NFIA: variants seen among roughly 807,000 people sequenced by gnomAD.
NFIA encodes nuclear factor I A, also known as nuclear factor 1 A-type.
NFIA carries 8 observed loss-of-function variants against 62.8 expected under a neutral mutation model. That is an observed-to-expected ratio of 0.13 (90% CI 0.07 to 0.23). The LOEUF is 0.23. Ranked by LOEUF, NFIA falls within the 10% of genes least tolerant of loss-of-function variation. The pLI is 1.00. For missense variants in NFIA, 410 were observed against 642.1 expected (o/e 0.64, Z 3.91); for synonymous variants, 235 against 238.1 (o/e 0.99, Z 0.12).
chr1:61,107,221 T>A (rs954750543), intron 2 of NFIA, among the ~76,000 whole-genome samples: 8 of 145,206 alleles, frequency 5.5e-5, no homozygotes, highest in Non-Finnish European at 4.5e-5. Flanking sequence ...AATGTTAAGT[T>A]TTTTTTTTTA....
intron 2 of NFIA, among the ~76,000 whole-genome samples, chr1:61,260,741 C>T (rs112685229): frequency 0.074 from 11,284 of 152,088 alleles, 439 homozygotes; most frequent in South Asian, 0.14. Flanking sequence ...CCACCAGGCC[C>T]GGCTAATTTT....
chr1:61,199,170 G>A (rs1055430886), intron 2 of NFIA, among the ~76,000 whole-genome samples: 1 of 152,130 alleles, frequency 6.6e-6, no homozygotes, highest in African/African-American at 2.4e-5. Flanking sequence ...CTTCAATGCT[G>A]TCCTCTCTTT....
At chr1:61,240,289 T>C (rs957599694) in intron 2 of NFIA, among the ~76,000 whole-genome samples, 8 of 152,096 alleles carry the variant, frequency 5.3e-5, no homozygotes, top group Non-Finnish European at 1.2e-4. Context: ...TTGTAAGTTA[T>C]ATCACCATTG....
intron 2 of NFIA, among the ~76,000 whole-genome samples, chr1:61,153,399 CTG>C (rs1314395566): frequency 6.6e-6 from 1 of 152,216 alleles, no homozygotes; most frequent in African/African-American, 2.4e-5. Context: ...ATGCCTTTGA[CTG>C]TAACTGTAAT....
chr1:61,243,622 TA>T (rs1284841047), intron 2 of NFIA, among the ~76,000 whole-genome samples: 15 of 152,312 alleles, frequency 9.8e-5, no homozygotes, highest in Admixed American at 3.9e-4. Context: ...AGGCAAAAAT[TA>T]AATCATTTTA....
chr1:61,201,949 A>T (rs569022145), intron 2 of NFIA, among the ~76,000 whole-genome samples: 30 of 145,968 alleles, frequency 2.1e-4, no homozygotes, highest in African/African-American at 5.5e-4. Flanking sequence ...AGAAAATCTT[A>T]AAAAAAAAAC....
At chr1:61,216,424 C>T (rs1447997334) in intron 2 of NFIA, among the ~76,000 whole-genome samples, 3 of 152,076 alleles carry the variant, frequency 2.0e-5, no homozygotes, top group Non-Finnish European at 2.9e-5. Flanking sequence ...GCCTCTACTT[C>T]TTGCTCTGGG....
chr1:61,131,259 GTAAC>G (rs1647068504), intron 2 of NFIA, among the ~76,000 whole-genome samples: 1 of 151,320 alleles, frequency 6.6e-6, no homozygotes, highest in Non-Finnish European at 1.5e-5. Flanking sequence ...GGCTAGGAAA[GTAAC>G]TAAATGTGAT....
Position 61,456,800 on chromosome 1 carries a change from AAAAAACAAAAAAC to A in NFIA, c.*1493_*1505del, listed in dbSNP as rs1342759256. ...CCAAACGTCCTGTATCTTATGAAAAAAAAAACAAAAAACAAAAACAAAAAAAAAACACAAAAAA... is the reference window on the plus strand; with the variant it reads ...CCAAACGTCCTGTATCTTATGAAAAAAAAAACAAAAAAAAAACACAAAAAA... On this transcript the variant is annotated 3_prime_UTR_variant, in exon 11 of 11. Coordinates refer to ENST00000403491, the MANE Select transcript of NFIA (RefSeq NM_001134673.4). 22 of 142,292 alleles carry A rather than the reference AAAAAACAAAAAAC, an allele frequency of 1.5e-4. No individual in the cohort carries two copies. The highest frequency in any genetic ancestry group is 5.5e-4 in the African/African-American group (19 of 34,788). 8.8% of individuals were successfully genotyped at this position (142,292 alleles called of 1,614,324 possible).
At chr1:61,232,158 A>G (rs933006273) in intron 2 of NFIA, among the ~76,000 whole-genome samples, 1 of 152,178 alleles carries the variant, frequency 6.6e-6, no homozygotes, top group African/African-American at 2.4e-5. Context: ...TTTTTCTAAT[A>G]GTTTTTCCCT....
At chr1:61,146,563 G>A (rs1648004264) in intron 2 of NFIA, among the ~76,000 whole-genome samples, 1 of 152,106 alleles carries the variant, frequency 6.6e-6, no homozygotes, top group African/African-American at 2.4e-5. Context: ...ACAAGACTTG[G>A]CTCAAAAACC....
At chr1:61,334,555 GTATATATATATATATA>G (rs56259392) in intron 4 of NFIA, among the ~76,000 whole-genome samples, 2,811 of 97,470 alleles carry the variant, frequency 0.029, 344 homozygotes, top group African/African-American at 0.056. Flanking sequence ...GTGTGTGTGT[GTATATATATATATATA>G]TATATATATA....
chr1:61,458,626 C>A lies in NFIA; in HGVS notation c.*3306C>A, dbSNP rs1668406208. ...TATAAAGGCAGCGTTCATAGAATTGCTTTTCTTTCTTTTTACCCCCCCTTT... is the reference window on the plus strand; with the variant it reads ...TATAAAGGCAGCGTTCATAGAATTGATTTTCTTTCTTTTTACCCCCCCTTT... On this transcript the variant is annotated 3_prime_UTR_variant, in exon 11 of 11. Coordinates refer to ENST00000403491, the MANE Select transcript of NFIA (RefSeq NM_001134673.4). The A allele has an allele frequency of 6.7e-6, 1 of 149,714 alleles. No homozygotes were observed. The highest frequency in any genetic ancestry group is 1.5e-5 in the Non-Finnish European group (1 of 67,590). 9.3% of individuals were successfully genotyped at this position (149,714 alleles called of 1,614,324 possible). A position where few individuals can be genotyped will look rare whatever the true frequency, so the allele number is the denominator to read the frequency against.
chr1:61,193,186 G>A (rs113913267), intron 2 of NFIA, among the ~76,000 whole-genome samples: 1 of 152,128 alleles, frequency 6.6e-6, no homozygotes, highest in African/African-American at 2.4e-5. Context: ...GTTTGGCTTG[G>A]ACCAATTTAT....
chr1:61,278,387 T>C (rs1316623980), intron 3 of NFIA, among the ~76,000 whole-genome samples: 1 of 152,164 alleles, frequency 6.6e-6, no homozygotes, highest in Non-Finnish European at 1.5e-5. Context: ...TTCACAGATA[T>C]CATCTCATAA....
intron 9 of NFIA, among the ~76,000 whole-genome samples, chr1:61,421,999 C>A (rs765534152): frequency 6.6e-6 from 1 of 152,118 alleles, no homozygotes. Flanking sequence ...TGGTGGCTCA[C>A]GCCTGTAATC....
At position 61,207,197 on chromosome 1, in the gene NFIA, T is replaced by C. The variant is rs560545176; in HGVS notation, c.560-70323T>C. 3.3e-5 allele frequency among the ~76,000 whole-genome samples: 5 copies of C among 152,316 alleles called. No individual in the cohort carries two copies. In the East Asian group the frequency reaches 9.7e-4, roughly 29 times the overall value. ...TCAAAATTTTGTACAATGTACAGAATTTTGAAACAAAAATTTAATGAATGG... is the reference window on the plus strand; with the variant it reads ...TCAAAATTTTGTACAATGTACAGAACTTTGAAACAAAAATTTAATGAATGG... On this transcript the variant is annotated intron_variant, in intron 2 of 10. Coordinates refer to ENST00000403491, the MANE Select transcript of NFIA (RefSeq NM_001134673.4).
At chr1:61,084,961 GT>G (rs1320122775) in intron 1 of NFIA, among the ~76,000 whole-genome samples, 1 of 151,436 alleles carries the variant, frequency 6.6e-6, no homozygotes, top group Non-Finnish European at 1.5e-5. Flanking sequence ...TAGTGTAACA[GT>G]TTGTAAAGAA....
At chr1:61,345,286 TGTTTAAA>T in intron 4 of NFIA, among the ~76,000 whole-genome samples, 1 of 152,330 alleles carries the variant, frequency 6.6e-6, no homozygotes, top group East Asian at 1.9e-4. Flanking sequence ...CATTTGGTAT[TGTTTAAA>T]GTTTAGAGGG....
Sources: gnomAD v4.1 joint callset for allele counts (sites outside exome capture counted in the v4.1 genomes callset) on GRCh38, gnomAD v4.1.1 for gene constraint, MANE v1.5 for transcripts, NCBI Gene and HGNC (gene_info 2026-07-23, HGNC 2026-07-21) for gene names.